Variants in HTRA2 observed in about 807,000 individuals in gnomAD.
The protein encoded by HTRA2 is serine protease HTRA2, mitochondrial.
A neutral mutation model predicts 42.2 loss-of-function variants in HTRA2; 24 were observed. The observed-to-expected ratio is 0.57, with a 90% CI of 0.41 to 0.80. HTRA2 has a LOEUF of 0.80. Among genes scored for constraint, HTRA2 ranks in the 30% least tolerant of loss-of-function variants. The pLI is 0.00. For synonymous variants in HTRA2, 245 were observed against 255.8 expected, an observed-to-expected ratio of 0.96 and a Z score of 0.40; for missense variants, 466 against 613.5, an observed-to-expected ratio of 0.76 and a Z score of 2.54.
upstream of HTRA2, chr2:74,529,862 A>T: frequency 2.8e-6 from 4 of 1,412,538 alleles, no homozygotes; most frequent in South Asian, 6.0e-5. Context: ...GGCAGGGAGG[A>T]GTCGGCCTCC....
rs1324891390 is a variant in HTRA2 at position 74,532,963 on chromosome 2, T to G, written c.1355T>G (p.Val452Gly). Residue 452 changes from valine to glycine, a missense_variant, in exon 8 of 8, where the codon GTG (valine) becomes GGG (glycine). Around this residue, in one of 3 missense-constraint regions of HTRA2, gnomAD observed 129 missense variants for 163.1 expected, o/e 0.79. Transcript: ENST00000258080. Reference protein sequence around the residue: ...RRGRETLTLYVTPEVTE With the variant: ...RRGRETLTLYGTPEVTE ...GGACGAGAAACACTGACCTTATATG[T>G]GACCCCTGAGGTCACAGAATGAATA... 1 of 1,613,826 alleles carries G rather than the reference T, an allele frequency of 6.2e-7. No individual in the cohort carries two copies. The highest frequency in any genetic ancestry group is 1.3e-5 in the African/African-American group (1 of 74,834).
Position 74,530,386 on chromosome 2 carries a change from G to A in HTRA2, c.380G>A (p.Gly127Asp). The change falls in exon 1 of 8, where the codon GGT becomes GAT. Residue 127 changes from glycine to aspartate, a missense_variant. Coordinates refer to ENST00000258080, the MANE Select transcript of HTRA2 (RefSeq NM_013247.5). This position sits in a 1 kb window ranked among gnomAD's most constrained non-coding sequence, Gnocchi z 7.4. ...VLLLLWGGGR[G>D]PPAVLAAVPS... ...TTGTTGTTGTGGGGCGGGGGTCGGG[G>A]TCCTCCGGCCGTCCTCGCCGCCGTC... is the stretch of plus-strand genomic sequence containing the variant. 3.1e-6 allele frequency: 5 copies of A among 1,592,646 alleles called. No individual in the cohort carries two copies. Among genetic ancestry groups the A allele is most frequent in the Non-Finnish European group, 4.3e-6 (5 of 1,171,904 alleles).
chr2:74,531,763 T>G, intron 5 of HTRA2, 61 bp downstream of exon 5: 1 of 1,611,424 alleles, frequency 6.2e-7, no homozygotes, highest in South Asian at 1.1e-5. Context: ...GGAAGGGCAT[T>G]CAGTGGGACT....
Position 74,532,837 on chromosome 2 carries a change from GTGA to G in HTRA2, c.1232_1234del (p.Asp411del), listed in dbSNP as rs762574633. 6.2e-7 allele frequency: 1 copy of G among 1,613,992 alleles called. No homozygotes were observed. Among genetic ancestry groups the G allele is most frequent in the Non-Finnish European group, 8.5e-7 (1 of 1,180,034 alleles). On this transcript the variant is annotated inframe_deletion, in exon 8 of 8. Transcript: ENST00000258080. The stretch of plus-strand genomic sequence containing the variant: ...CTCTATAGGGCTGGTCTGCGGCCTG[GTGA>G]TGTGATTTTGGCCATTGGGGAGCAG...
Position 74,530,333 on chromosome 2 carries a change from G to A in HTRA2, c.327G>A (p.Val109=), listed in dbSNP as rs767562490. The A allele has an allele frequency of 3.6e-5, 57 of 1,591,562 alleles. No individual in the cohort carries two copies. Among genetic ancestry groups the A allele is most frequent in the Middle Eastern group, 3.3e-4 (2 of 6,034 alleles). ...CCCGTTCGCGCGCGTGGCTGGCGGT[G>A]GCGCTGGGCGCTGGGGGGGCAGTGC... ...SGTRSRAWLA[V]ALGAGGAVLL... The change falls in exon 1 of 8, where the codon GTG becomes GTA. Residue 109 remains valine, a synonymous_variant. Transcript: ENST00000258080. This position sits in a 1 kb window ranked among gnomAD's most constrained non-coding sequence, Gnocchi z 7.4.
intron 5 of HTRA2, 72 bp from the exon 6 acceptor site, chr2:74,531,784 T>C (rs553926019): frequency 6.2e-7 from 1 of 1,610,654 alleles, no homozygotes; most frequent in Non-Finnish European, 8.5e-7. Context: ...TCCTGGAGGG[T>C]GGTCTACTGG....
chr2:74,529,502 G>A, upstream of HTRA2: 4 of 1,550,092 alleles, frequency 2.6e-6, no homozygotes, highest in Non-Finnish European at 1.7e-6. Context: ...CCGGAAGCCT[G>A]GGGGCGAGAG....
chr2:74,530,779 G>A lies in HTRA2; in HGVS notation c.669G>A (p.Val223=). ...CGTATGAGGCCGTGGTCACAGCTGTGGATCCCGTGGCAGACATCGCAACGC... is the reference window on the plus strand; with the variant it reads ...CGTATGAGGCCGTGGTCACAGCTGTAGATCCCGTGGCAGACATCGCAACGC... ...GDTYEAVVTA[V]DPVADIATLR... is the part of the protein sequence containing the mutation. The change falls in exon 2 of 8, where the codon GTG becomes GTA. Residue 223 remains valine, a synonymous_variant. Transcript: ENST00000258080. The surrounding 1 kb of genome is among the most constrained non-coding windows in gnomAD (Gnocchi z 7.4). 6.2e-7 allele frequency: 1 copy of A among 1,614,190 alleles called. No homozygotes were observed. The highest frequency in any genetic ancestry group is 8.5e-7 in the Non-Finnish European group (1 of 1,180,040).
upstream of HTRA2, chr2:74,529,784 A>AC (rs1675445771): frequency 6.9e-7 from 1 of 1,453,776 alleles, no homozygotes; most frequent in Non-Finnish European, 9.0e-7. Flanking sequence ...GTCCCAGCAT[A>AC]CCCCGCGGCC....
At chr2:74,531,430 G>C (rs756344442) in intron 4 of HTRA2, 59 bp downstream of exon 4, 1 of 1,605,806 alleles carries the variant, frequency 6.2e-7, no homozygotes, top group South Asian at 1.1e-5. Flanking sequence ...GGGAAGGGTA[G>C]GTTTCCCCTA....
chr2:74,529,751 G>A (rs1305611892), upstream of HTRA2: 2 of 1,497,938 alleles, frequency 1.3e-6, no homozygotes, highest in East Asian at 4.9e-5. Context: ...CCGAAGTCCT[G>A]AGGCGCGCCG....
At chr2:74,532,509 C>T (rs1244530172) in intron 6 of HTRA2, 110 bp from the exon 7 acceptor site, 1 of 820,758 alleles carries the variant, frequency 1.2e-6, no homozygotes. Context: ...TAGTACCTAG[C>T]CCATGTCCTG....
chr2:74,529,943 C>T lies in HTRA2; in HGVS notation c.-64C>T, dbSNP rs749132601. ...GGCGTGCCCCGCGTCCTACTGTCCGCCTGCTCGCGTCCTGGGTGCCGCCTC... is the reference window on the plus strand; with the variant it reads ...GGCGTGCCCCGCGTCCTACTGTCCGTCTGCTCGCGTCCTGGGTGCCGCCTC... On this transcript the variant is annotated 5_prime_UTR_variant, in exon 1 of 8. Coordinates refer to ENST00000258080, the MANE Select transcript of HTRA2 (RefSeq NM_013247.5). The T allele has an allele frequency of 1.5e-4, 218 of 1,494,048 alleles. No homozygotes were observed. The highest frequency in any genetic ancestry group is 2.4e-4 in the Middle Eastern group (1 of 4,196). 92.5% of individuals were successfully genotyped at this position (1,494,048 alleles called of 1,614,324 possible). A position where few individuals can be genotyped will look rare whatever the true frequency, so the allele number is the denominator to read the frequency against.
At position 74,532,563 on chromosome 2, in the gene HTRA2, C is replaced by T. The variant is rs1018943567; in HGVS notation, c.1116-56C>T. The T allele has an allele frequency of 1.0e-5, 14 of 1,395,866 alleles. No homozygotes were observed. The Admixed American group carries it at 2.4e-4, about 24-fold the overall frequency. The allele number at this position is 1,395,866 out of a possible 1,614,324, so 86.5% of individuals were successfully genotyped here. ...TGTTGATGAGAGACTTGAGGTGGAA[C>T]TCAGGATGGGGAGAATGCCTGGGTT... On this transcript the variant is annotated intron_variant, in intron 6 of 7. Transcript: ENST00000258080.
rs968650052 is a variant in HTRA2 at position 74,531,841 on chromosome 2, G to A, written c.1046-15G>A. ...GGATGTAGCTGGGTGGGGCTCATTT[G>A]TCCCTCTGTCACAGATTCCTCCTCC... On this transcript the variant is annotated splice_polypyrimidine_tract_variant and intron_variant, in intron 5 of 7. Coordinates refer to ENST00000258080, the MANE Select transcript of HTRA2 (RefSeq NM_013247.5). 1 of 1,613,716 alleles carries A rather than the reference G, an allele frequency of 6.2e-7. No homozygotes were observed. Among genetic ancestry groups the A allele is most frequent in the Non-Finnish European group, 8.5e-7 (1 of 1,180,006 alleles).
rs370058621 is a variant in HTRA2 at position 74,531,933 on chromosome 2, C to T, written c.1115+8C>T. 3 of 1,613,604 alleles carry T rather than the reference C, an allele frequency of 1.9e-6. No individual in the cohort carries two copies. The highest frequency in any genetic ancestry group is 2.5e-6 in the Non-Finnish European group (3 of 1,179,594). On this transcript the variant is annotated splice_region_variant and intron_variant, in intron 6 of 7. Transcript: ENST00000258080. ...GCTGACCCTGAGTCCCAGGTATGAGCTTTAGGGACAGTGACATGTAATGTG... is the reference window on the plus strand; with the variant it reads ...GCTGACCCTGAGTCCCAGGTATGAGTTTTAGGGACAGTGACATGTAATGTG...
In HTRA2 at chr2:74,531,647, C is replaced by T. The variant is rs1572997320; in HGVS notation, c.990C>T (p.Ser330=). The T allele has an allele frequency of 6.2e-7, 1 of 1,614,178 alleles. No homozygotes were observed. Among genetic ancestry groups the T allele is most frequent in the Non-Finnish European group, 8.5e-7 (1 of 1,180,048 alleles). Residue 330 remains serine (S), a synonymous_variant, in exon 5 of 8, where the codon TCC becomes TCT. Transcript: ENST00000258080. ...VNTMKVTAGI[S]FAIPSDRLRE... ...CCATGAAGGTCACAGCTGGAATCTC[C>T]TTTGCCATCCCTTCTGATCGTCTTC...
upstream of HTRA2, chr2:74,529,615 T>C: frequency 7.0e-6 from 11 of 1,568,696 alleles, no homozygotes; most frequent in Non-Finnish European, 8.6e-6. Context: ...GCCCCGGCCC[T>C]GAGGGAAGCT....
rs916638720 is a variant in HTRA2, at chr2:74,531,888, C to T, written c.1078C>T (p.Arg360Cys). 14 of 1,614,028 alleles carry T rather than the reference C, an allele frequency of 8.7e-6. No individual in the cohort carries two copies. Among genetic ancestry groups the T allele is most frequent in the East Asian group, 4.5e-5 (2 of 44,890 alleles). The part of the protein sequence containing the change: ...SSSGISGSQR[R>C]YIGVMMLTLS... ...CTCCGGAATCAGTGGGTCCCAGCGG[C>T]GCTACATTGGGGTGATGATGCTGAC... Residue 360 changes from arginine to cysteine, a missense_variant, in exon 6 of 8, where the codon CGC becomes TGC. Arg to Cys is a radical substitution (Grantham distance 180, BLOSUM62 -3). This residue lies in a region of HTRA2 where 129 missense variants were observed against 163.1 expected (regional missense o/e 0.79). Transcript: ENST00000258080.
Sources: allele counts gnomAD v4.1 joint callset, GRCh38; gene constraint gnomAD v4.1.1; regional missense constraint gnomAD v4.1.1; non-coding constraint Gnocchi (gnomAD v3.1); transcripts MANE v1.5; gene names NCBI Gene and HGNC (gene_info 2026-07-23, HGNC 2026-07-21).